MYO16: variants seen among roughly 807,000 people sequenced by gnomAD.
The protein encoded by MYO16 is myosin XVI.
MYO16 carries 94 observed loss-of-function variants against 205.3 expected under a neutral mutation model. That is an observed-to-expected ratio of 0.46 (90% CI 0.39 to 0.54). The LOEUF (loss-of-function observed/expected upper bound fraction) is 0.54, where lower values mean the gene tolerates loss of function less well. Among genes scored for constraint, MYO16 ranks in the 20% least tolerant of loss-of-function variants. The probability of loss-of-function intolerance (pLI) is 0.00; values close to 1 mark genes in which losing one functional copy is unlikely to be tolerated. For synonymous variants in MYO16, 988 were observed against 954.0 expected, an observed-to-expected ratio of 1.04 and a Z score of -0.66; for missense variants, 2,315 against 2,387.5, an observed-to-expected ratio of 0.97 and a Z score of 0.63.
In MYO16 at chr13:108,808,402, C is replaced by G. The variant is rs1887181241; in HGVS notation, c.867+1598C>G. On this transcript the variant is annotated intron_variant, in intron 7 of 34. Transcript: ENST00000457511. ...TCTCAGATCACTGCAACCTCCGCCT[C>G]CTGAGTTCAAGCAGTTCTTGTGCCT... 2.0e-5 allele frequency among the ~76,000 whole-genome samples: 3 copies of G among 151,776 alleles called. No homozygotes were observed. In the South Asian group the frequency reaches 6.3e-4, roughly 32 times the overall value.
chr13:109,011,698 A>T (rs1286090996), intron 22 of MYO16, among the ~76,000 whole-genome samples: 4 of 151,848 alleles, frequency 2.6e-5, no homozygotes, highest in Non-Finnish European at 5.9e-5. Flanking sequence ...TAGTTTTAGT[A>T]GAGACAGGGT....
At chr13:108,554,455 C>G in the MYO16 span, among the ~76,000 whole-genome samples, 1 of 152,186 alleles carries the variant, frequency 6.6e-6, no homozygotes, top group African/African-American at 2.4e-5. Context: ...CATTCAAGCA[C>G]TGGCCATGTT....
chr13:108,539,470 T>C, the MYO16 span, among the ~76,000 whole-genome samples: 4 of 152,098 alleles, frequency 2.6e-5, no homozygotes, highest in African/African-American at 2.4e-5. Context: ...TTAAACTTCA[T>C]AGTTTGTCTA....
At chr13:108,776,681 T>G (rs1886134338) in intron 4 of MYO16, among the ~76,000 whole-genome samples, 1 of 152,326 alleles carries the variant, frequency 6.6e-6, no homozygotes, top group Non-Finnish European at 1.5e-5. Flanking sequence ...CTGGCCATTT[T>G]GCAGGTTGCA....
At chr13:108,518,113 G>T in the MYO16 span, among the ~76,000 whole-genome samples, 1 of 152,180 alleles carries the variant, frequency 6.6e-6, no homozygotes, top group African/African-American at 2.4e-5. Flanking sequence ...AAACTAGAAT[G>T]GCTAATGCCC....
intron 2 of MYO16, among the ~76,000 whole-genome samples, chr13:108,697,385 C>T (rs1883131956): frequency 6.6e-6 from 1 of 152,200 alleles, no homozygotes; most frequent in East Asian, 1.9e-4. Context: ...CTATCCCCAG[C>T]TATCTGCAGA....
intron 10 of MYO16, among the ~76,000 whole-genome samples, chr13:108,849,854 A>C (rs976405855): frequency 9.4e-5 from 13 of 138,712 alleles, no homozygotes; most frequent in Non-Finnish European, 2.0e-4. Flanking sequence ...TTGCACCTAG[A>C]CTGCCTTCCT....
At chr13:108,699,653 G>A (rs1043734953) in intron 2 of MYO16, among the ~76,000 whole-genome samples, 1 of 152,118 alleles carries the variant, frequency 6.6e-6, no homozygotes, top group Non-Finnish European at 1.5e-5. Flanking sequence ...TGATTTATAT[G>A]ACTGGTTTCG....
At chr13:108,792,372 C>A (rs1886642166) in intron 5 of MYO16, among the ~76,000 whole-genome samples, 2 of 152,178 alleles carry the variant, frequency 1.3e-5, no homozygotes, top group Non-Finnish European at 2.9e-5. Flanking sequence ...TTCCCAAATG[C>A]CCTCCACAGA....
chr13:108,738,188 T>TA (rs201153749), intron 4 of MYO16, among the ~76,000 whole-genome samples: 1 of 152,082 alleles, frequency 6.6e-6, no homozygotes, highest in South Asian at 2.1e-4. Flanking sequence ...CTTTTGAATG[T>TA]TTTTCTCTTG....
chr13:108,911,034 A>AACACACACACACACACACACACAC (rs113296282), intron 16 of MYO16, among the ~76,000 whole-genome samples: 1 of 138,448 alleles, frequency 7.2e-6, no homozygotes, highest in East Asian at 2.1e-4. Context: ...TATAGGAGAA[A>AACACACACACACACACACACACAC]ACACACACAC....
At chr13:109,017,431 C>G (rs1186636988) in intron 22 of MYO16, among the ~76,000 whole-genome samples, 1 of 152,110 alleles carries the variant, frequency 6.6e-6, no homozygotes, top group African/African-American at 2.4e-5. Context: ...GTGAATCTGA[C>G]AATTATGTGT....
At chr13:108,879,934 C>T (rs1347366357) in intron 12 of MYO16, among the ~76,000 whole-genome samples, 1 of 152,140 alleles carries the variant, frequency 6.6e-6, no homozygotes, top group African/African-American at 2.4e-5. Context: ...GTGGAATGGC[C>T]ACACTGTCTT....
rs527721468 is a variant in MYO16, at chr13:109,178,570, T to C, written c.5324-972T>C. 2.0e-5 allele frequency among the ~76,000 whole-genome samples: 3 copies of C among 152,378 alleles called. No individual in the cohort carries two copies. In the East Asian group the frequency reaches 5.8e-4, roughly 29 times the overall value. On this transcript the variant is annotated intron_variant, in intron 33 of 34. Transcript: ENST00000457511. ...AATCACTTCAGTATTTAAAGTTCTC[T>C]GAGTTGAATTCATTTTGTTGGGTTC...
intron 16 of MYO16, among the ~76,000 whole-genome samples, chr13:108,920,625 A>G (rs1287689882): frequency 6.6e-6 from 1 of 151,910 alleles, no homozygotes; most frequent in Non-Finnish European, 1.5e-5. Context: ...CGCCCGGCTA[A>G]TTTTTGTATT....
At chr13:108,580,382 A>C in the MYO16 span, among the ~76,000 whole-genome samples, 1 of 152,232 alleles carries the variant, frequency 6.6e-6, no homozygotes, top group Non-Finnish European at 1.5e-5. Flanking sequence ...TCGATTTACC[A>C]ACCTCAAACA....
chr13:108,705,616 T>C (rs1288937018), intron 2 of MYO16, among the ~76,000 whole-genome samples: 1 of 152,198 alleles, frequency 6.6e-6, no homozygotes, highest in Non-Finnish European at 1.5e-5. Context: ...AATCATAGCA[T>C]ATATACAATT....
intron 16 of MYO16, among the ~76,000 whole-genome samples, chr13:108,949,656 C>T (rs11841252): frequency 6.6e-6 from 1 of 151,978 alleles, no homozygotes; most frequent in Non-Finnish European, 1.5e-5. Context: ...AATATTAAGA[C>T]ACGTATGGAA....
In MYO16 at chr13:108,855,564, T is replaced by C. The variant is rs560528133; in HGVS notation, c.1359+11T>C. ...AACAATCAGATCTATGTGAGTGCCC[T>C]GGAAATTGCCTTTTGCACTGTTTTT... On this transcript the variant is annotated intron_variant, in intron 11 of 34. Coordinates refer to ENST00000457511, the MANE Select transcript of MYO16 (RefSeq NM_001198950.3). 1.3e-6 allele frequency: 2 copies of C among 1,514,748 alleles called. No homozygotes were observed. The highest frequency in any genetic ancestry group is 1.4e-5 in the African/African-American group (1 of 73,354). 93.8% of individuals were successfully genotyped at this position (1,514,748 alleles called of 1,614,324 possible). A position where few individuals can be genotyped will look rare whatever the true frequency, so the allele number is the denominator to read the frequency against.
Sources: allele counts gnomAD v4.1 joint callset (sites outside exome capture counted in the v4.1 genomes callset), GRCh38; gene constraint gnomAD v4.1.1; transcripts MANE v1.5; gene names NCBI Gene and HGNC (gene_info 2026-07-23, HGNC 2026-07-21).